The following STK40 variants were observed in gnomAD, a reference collection of about 807,000 sequenced individuals.
STK40 encodes serine/threonine kinase 40, also known as serine/threonine-protein kinase 40.
STK40 carries 13 observed loss-of-function variants against 47.9 expected under a neutral mutation model. The ratio of observed to expected loss-of-function variants is 0.27; its 90% CI spans 0.18 to 0.43. The LOEUF (loss-of-function observed/expected upper bound fraction) is 0.43. STK40 is among the 20% of genes least tolerant of loss of function. The pLI, the probability that STK40 is intolerant of heterozygous loss-of-function variation, is 1.00. For missense variants in STK40, 460 were observed against 595.1 expected, an observed-to-expected ratio of 0.77 and a Z score of 2.36; for synonymous variants, 225 against 243.2, an observed-to-expected ratio of 0.93 and a Z score of 0.69.
chr1:36,378,620 G>A (rs1021715244), intron 1 of STK40, among the ~76,000 whole-genome samples: 2 of 152,070 alleles, frequency 1.3e-5, no homozygotes, highest in Admixed American at 6.6e-5. Context: ...CACCACGCCT[G>A]GCTAATTTTT....
At position 36,358,773 on chromosome 1, in the gene STK40, C is replaced by T. The variant is rs781454894; in HGVS notation, c.162G>A (p.Ala54=). The part of the protein sequence containing the change: ...SPVPSIVQCL[A]RKDGTDDFYQ... ...AGAAGTCATCCGTGCCATCTTTCCT[C>T]GCCAAACACTGCACTATGCTTGGCA... The change falls in exon 3 of 11, where the codon GCG becomes GCA. Residue 54 remains alanine (A), a synonymous_variant. Coordinates refer to ENST00000373132, the MANE Select transcript of STK40 (RefSeq NM_001282547.2). 1.4e-5 allele frequency: 22 copies of T among 1,614,072 alleles called. No homozygotes were observed. The highest frequency in any genetic ancestry group is 4.4e-5 in the South Asian group (4 of 91,086).
chr1:36,358,454 G>A (rs537032191), intron 3 of STK40, 72 bp from the exon 4 acceptor site: 224 of 1,528,456 alleles, frequency 1.5e-4, no homozygotes, highest in Admixed American at 2.4e-4. Flanking sequence ...CCAGAACGGG[G>A]GAAGCAGGGG....
chr1:36,365,058 C>T (rs1321241808), intron 1 of STK40, among the ~76,000 whole-genome samples: 1 of 141,606 alleles, frequency 7.1e-6, no homozygotes. Context: ...ATGGCATGAT[C>T]TTGGCTCACC....
Position 36,358,223 on chromosome 1 carries a change from G to T in STK40, c.342+16C>A, listed in dbSNP as rs1277900402. 1 of 1,573,140 alleles carries T rather than the reference G, an allele frequency of 6.4e-7. No homozygotes were observed. The highest frequency in any genetic ancestry group is 1.3e-5 in the African/African-American group (1 of 74,164). The stretch of plus-strand genomic sequence containing the variant: ...GCCAGAGGTGAGCGCGAAGGGTGAG[G>T]GGGAAGGCCGCTCACCTGGAAGAGG... On this transcript the variant is annotated intron_variant, in intron 4 of 10. Coordinates refer to ENST00000373132, the MANE Select transcript of STK40 (RefSeq NM_001282547.2).
intron 1 of STK40, among the ~76,000 whole-genome samples, chr1:36,382,635 A>C (rs1350018620): frequency 6.6e-6 from 1 of 152,238 alleles, no homozygotes; most frequent in African/African-American, 2.4e-5. Context: ...GAATAAAATA[A>C]AACTCTGTGA....
chr1:36,362,962 C>T (rs1325550948), intron 1 of STK40, among the ~76,000 whole-genome samples: 1 of 152,184 alleles, frequency 6.6e-6, no homozygotes, highest in Non-Finnish European at 1.5e-5. Context: ...TCAAGGCCAG[C>T]CTGGCCAACA....
intron 7 of STK40, among the ~76,000 whole-genome samples, chr1:36,346,036 C>T (rs1174169691): frequency 1.7e-5 from 2 of 120,158 alleles, no homozygotes; most frequent in African/African-American, 3.2e-5. Flanking sequence ...GCTCTGTTGC[C>T]CAGGCTGGAG....
chr1:36,383,011 C>G (rs922293175), intron 1 of STK40, among the ~76,000 whole-genome samples: 2 of 152,082 alleles, frequency 1.3e-5, no homozygotes, highest in African/African-American at 4.8e-5. Context: ...TGCAATGATG[C>G]AATTTTGGTT....
chr1:36,385,890 C>A lies in STK40; in HGVS notation c.-176G>T. 1 of 171,754 alleles carries A rather than the reference C, an allele frequency of 5.8e-6. No homozygotes were observed. The highest frequency in any genetic ancestry group is 1.4e-4 in the South Asian group (1 of 6,914). 10.6% of individuals were successfully genotyped at this position (171,754 alleles called of 1,614,324 possible). ...CCGCCGCCGCCGCCGCCGCCTCCCT[C>A]CATGGCTGCGGCGCCGCCACCTGAC... On this transcript the variant is annotated 5_prime_UTR_variant, in exon 1 of 11. The change creates a premature stop within an existing upstream ORF in the 5' untranslated region. Coordinates refer to ENST00000373132, the MANE Select transcript of STK40 (RefSeq NM_001282547.2).
chr1:36,380,874 TC>T (rs1212305104), intron 1 of STK40, among the ~76,000 whole-genome samples: 2 of 152,140 alleles, frequency 1.3e-5, no homozygotes, highest in African/African-American at 4.8e-5. Context: ...TTCCAACTGA[TC>T]CTCTCCCGAG....
At chr1:36,350,827 C>A (rs544755599) in intron 6 of STK40, among the ~76,000 whole-genome samples, 1 of 152,212 alleles carries the variant, frequency 6.6e-6, no homozygotes, top group Non-Finnish European at 1.5e-5. Context: ...TGCCAGGGCA[C>A]GGGCAGGCAC....
intron 1 of STK40, among the ~76,000 whole-genome samples, chr1:36,378,210 C>T (rs935421288): frequency 2.0e-5 from 3 of 152,098 alleles, no homozygotes; most frequent in East Asian, 3.8e-4. Flanking sequence ...TCTATGAGTC[C>T]AAGATTCTAT....
At chr1:36,343,082 G>A (rs1646669276) in intron 10 of STK40, 6 of 608,974 alleles carry the variant, frequency 9.9e-6, no homozygotes, top group African/African-American at 1.8e-5. Context: ...GGCAGCAGGA[G>A]GAAGCTGAGA....
intron 2 of STK40, among the ~76,000 whole-genome samples, chr1:36,360,079 G>A (rs1435745435): frequency 6.6e-6 from 1 of 152,190 alleles, no homozygotes; most frequent in African/African-American, 2.4e-5. Flanking sequence ...CACCACCGGT[G>A]ATGACTGGTG....
chr1:36,361,414 C>CGTT, intron 1 of STK40, 74 bp from the exon 2 acceptor site: 1 of 1,594,480 alleles, frequency 6.3e-7, no homozygotes, highest in Admixed American at 1.7e-5. Flanking sequence ...GCCTGCAGGC[C>CGTT]TTTGACTTGG....
rs775576085 is a variant in STK40 at position 36,382,560 on chromosome 1, A to T, written c.-9+3163T>A. Among the ~76,000 whole-genome samples, 10 of 152,184 alleles carry T rather than the reference A, an allele frequency of 6.6e-5. No homozygotes were observed. The East Asian group carries it at 7.7e-4, about 12-fold the overall frequency. On this transcript the variant is annotated intron_variant, in intron 1 of 10. Coordinates refer to ENST00000373132, the MANE Select transcript of STK40 (RefSeq NM_001282547.2). ...AAAAATAGTTCTTTTAAAGAGCCAA[A>T]CTGAATCATCTGCATGGCTCCCATA...
intron 1 of STK40, among the ~76,000 whole-genome samples, chr1:36,370,837 T>A (rs1365600171): frequency 1.3e-5 from 2 of 152,096 alleles, no homozygotes; most frequent in East Asian, 1.9e-4. Flanking sequence ...TATAAGATAA[T>A]GTAGTATTTG....
chr1:36,363,968 G>A lies in STK40; in HGVS notation c.-8-2628C>T, dbSNP rs536629747. ...AGATCGAGACCATCCTGGTTAACACGGTGAAACCCTGTCTCTACTAAAAAT... is the reference window on the plus strand; with the variant it reads ...AGATCGAGACCATCCTGGTTAACACAGTGAAACCCTGTCTCTACTAAAAAT... On this transcript the variant is annotated intron_variant, in intron 1 of 10. Transcript: ENST00000373132. Among the ~76,000 whole-genome samples the A allele has an allele frequency of 3.2e-4, 48 of 151,960 alleles. 1 individual carries two copies. The highest frequency in any genetic ancestry group is 1.0e-3 in the African/African-American group (42 of 41,422).
chr1:36,377,176 T>C (rs903115319), intron 1 of STK40, among the ~76,000 whole-genome samples: 8 of 152,158 alleles, frequency 5.3e-5, no homozygotes, highest in Admixed American at 3.9e-4. Flanking sequence ...TATTGTACCA[T>C]AAACTATTAA....
Sources: gnomAD v4.1 joint callset for allele counts (sites outside exome capture counted in the v4.1 genomes callset) on GRCh38, gnomAD v4.1.1 for gene constraint, MANE v1.5 for transcripts, NCBI Gene and HGNC (gene_info 2026-07-23, HGNC 2026-07-21) for gene names.